BRIP1: variants seen among roughly 807,000 people sequenced by gnomAD.
BRIP1 encodes the protein BRCA1 interacting DNA helicase 1.
Under a neutral mutation model 119.7 loss-of-function variants are expected in BRIP1, and 88 were observed. The observed-to-expected ratio is 0.74, with a 90% CI of 0.62 to 0.88. The LOEUF is 0.88. BRIP1 is among the 40% of genes least tolerant of loss of function. BRIP1 has a pLI of 0.00. For synonymous variants in BRIP1, 443 were observed against 496.5 expected (o/e 0.89, Z 1.43); for missense variants, 1,259 against 1,455.4 (o/e 0.87, Z 2.20).
chr17:61,848,923 C>T lies in BRIP1; in HGVS notation c.507+206G>A, dbSNP rs1286231347. Reference sequence around the variant, plus strand: ...ATATAAGAAACACCATGCAGTTTCACTTGAACGACATGTTACTGTGAATAA... The same window carrying T: ...ATATAAGAAACACCATGCAGTTTCATTTGAACGACATGTTACTGTGAATAA... On this transcript the variant is annotated intron_variant, in intron 5 of 19. Transcript: ENST00000259008. The surrounding 1 kb of genome is among the most constrained non-coding windows in gnomAD (Gnocchi z 4.3). 6.6e-6 allele frequency among the ~76,000 whole-genome samples: 1 copy of T among 152,156 alleles called. No individual in the cohort carries two copies. Among genetic ancestry groups the T allele is most frequent in the Non-Finnish European group, 1.5e-5 (1 of 68,028 alleles).
At position 61,843,074 on chromosome 17, in the gene BRIP1, T is replaced by C. The variant is rs755225293; in HGVS notation, c.627+4027A>G. 2.6e-5 allele frequency among the ~76,000 whole-genome samples: 4 copies of C among 152,108 alleles called. No individual in the cohort carries two copies. The highest frequency in any genetic ancestry group is 9.7e-5 in the African/African-American group (4 of 41,422). On this transcript the variant is annotated intron_variant, in intron 6 of 19. Transcript: ENST00000259008. The surrounding 1 kb of genome is among the most constrained non-coding windows in gnomAD (Gnocchi z 5.7). ...CTATTTGTGACAACATGGATGAACCTGGAGGGAGGACATTATGCAAAGTGA... is the reference window on the plus strand; with the variant it reads ...CTATTTGTGACAACATGGATGAACCCGGAGGGAGGACATTATGCAAAGTGA...
At chr17:61,787,429 A>C (rs1185815595) in intron 10 of BRIP1, among the ~76,000 whole-genome samples, 2 of 108,238 alleles carry the variant, frequency 1.8e-5, no homozygotes, top group Admixed American at 1.0e-4. Flanking sequence ...AAAATATATA[A>C]TATATATACT....
In BRIP1 at chr17:61,708,588, T is replaced by C. The variant is rs576367391; in HGVS notation, c.2492+7363A>G. 3.5e-4 allele frequency among the ~76,000 whole-genome samples: 54 copies of C among 152,304 alleles called. No homozygotes were observed. Among genetic ancestry groups the C allele is most frequent in the African/African-American group, 1.3e-3 (52 of 41,572 alleles). The stretch of plus-strand genomic sequence containing the variant: ...TTGTGTTGTTTCTATTTTCTCAGAG[T>C]TCTTCTGCTGTGTTTTTGTTTGCTT... On this transcript the variant is annotated intron_variant, in intron 17 of 19. Transcript: ENST00000259008. The surrounding 1 kb of genome is among the most constrained non-coding windows in gnomAD (Gnocchi z 4.4).
At position 61,849,276 on chromosome 17, in the gene BRIP1, A is replaced by G. The variant is rs748849028; in HGVS notation, c.380-20T>C. The G allele has an allele frequency of 6.2e-7, 1 of 1,604,330 alleles. No individual in the cohort carries two copies. Among genetic ancestry groups the G allele is most frequent in the East Asian group, 2.2e-5 (1 of 44,734 alleles). On this transcript the variant is annotated intron_variant, in intron 4 of 19. Coordinates refer to ENST00000259008, the MANE Select transcript of BRIP1 (RefSeq NM_032043.3). ...GGGAGTCTTATATAAGTAATTTAAA[A>G]AAAACAGCATAAATAACTTACAGGT... is the stretch of plus-strand genomic sequence containing the variant.
rs2076747686 is a variant in BRIP1, at chr17:61,725,103, C to T, written c.2380-9040G>A. Among the ~76,000 whole-genome samples the T allele has an allele frequency of 6.6e-6, 1 of 151,462 alleles. No individual in the cohort carries two copies. Among genetic ancestry groups the T allele is most frequent in the Non-Finnish European group, 1.5e-5 (1 of 67,928 alleles). ...TTCATCTGGCATATTTTCAAGATTTCTGACACAGTTAACCAAATAGTGTGT... is the reference window on the plus strand; with the variant it reads ...TTCATCTGGCATATTTTCAAGATTTTTGACACAGTTAACCAAATAGTGTGT... On this transcript the variant is annotated intron_variant, in intron 16 of 19. Coordinates refer to ENST00000259008, the MANE Select transcript of BRIP1 (RefSeq NM_032043.3). The surrounding 1 kb of genome is among the most constrained non-coding windows in gnomAD (Gnocchi z 5.3).
At position 61,825,212 on chromosome 17, in the gene BRIP1, G is replaced by A. The variant is rs2078386849; in HGVS notation, c.628-16455C>T. On this transcript the variant is annotated intron_variant, in intron 6 of 19. Coordinates refer to ENST00000259008, the MANE Select transcript of BRIP1 (RefSeq NM_032043.3). The surrounding 1 kb of genome is among the most constrained non-coding windows in gnomAD (Gnocchi z 4.1). ...AGGCAGGAGAATGGCGTGAACCTGG[G>A]AGGCGGAGCTTGCAGTGACCCAAGA... Among the ~76,000 whole-genome samples the A allele has an allele frequency of 6.6e-6, 1 of 151,918 alleles. No individual in the cohort carries two copies. Among genetic ancestry groups the A allele is most frequent in the Non-Finnish European group, 1.5e-5 (1 of 67,996 alleles).
At position 61,680,154 on chromosome 17, in the gene BRIP1, C is replaced by A. The variant is rs1166399809; in HGVS notation, c.*3142G>T. 2.0e-5 allele frequency among the ~76,000 whole-genome samples: 3 copies of A among 148,694 alleles called. No homozygotes were observed. The highest frequency in any genetic ancestry group is 6.7e-5 in the Admixed American group (1 of 14,854). ...GGTCAGGAGTTTGAGACCAGCCTGGCCAACATGGTGAAACCCTGTCGATAC... is the reference window on the plus strand; with the variant it reads ...GGTCAGGAGTTTGAGACCAGCCTGGACAACATGGTGAAACCCTGTCGATAC... On this transcript the variant is annotated 3_prime_UTR_variant, in exon 20 of 20. Transcript: ENST00000259008.
chr17:61,812,830 C>T (rs2078183322), intron 6 of BRIP1, among the ~76,000 whole-genome samples: 2 of 151,914 alleles, frequency 1.3e-5, no homozygotes, highest in Non-Finnish European at 2.9e-5. Flanking sequence ...ATGAAGAGTT[C>T]GAAGATTTGA....
At position 61,780,201 on chromosome 17, in the gene BRIP1, A is replaced by G; in HGVS notation, c.1935+60T>C. On this transcript the variant is annotated intron_variant, in intron 13 of 19. Transcript: ENST00000259008. The surrounding 1 kb of genome is among the most constrained non-coding windows in gnomAD (Gnocchi z 5.4). ...ACTTCAGGTATCTTCTAACTTGTTT[A>G]CATAGTTATATTGAAGTAGAAACAC... The G allele has an allele frequency of 6.5e-7, 1 of 1,529,604 alleles. No homozygotes were observed. The highest frequency in any genetic ancestry group is 9.0e-7 in the Non-Finnish European group (1 of 1,111,742). The allele number at this position is 1,529,604 out of a possible 1,614,324, so 94.8% of individuals were successfully genotyped here.
At position 61,722,862 on chromosome 17, in the gene BRIP1, A is replaced by T. The variant is rs1049709776; in HGVS notation, c.2380-6799T>A. Among the ~76,000 whole-genome samples, 1 of 152,164 alleles carries T rather than the reference A, an allele frequency of 6.6e-6. No homozygotes were observed. Among genetic ancestry groups the T allele is most frequent in the East Asian group, 1.9e-4 (1 of 5,204 alleles). ...TTTTCAAACACCTTTTACACTCCAA[A>T]TGGCCTTTAAAATACTGCCAATATT... On this transcript the variant is annotated intron_variant, in intron 16 of 19. Transcript: ENST00000259008. The surrounding 1 kb of genome is among the most constrained non-coding windows in gnomAD (Gnocchi z 4.6).
Position 61,794,806 on chromosome 17 carries a change from T to C in BRIP1, c.1341-1077A>G, listed in dbSNP as rs2077874722. On this transcript the variant is annotated intron_variant, in intron 9 of 19. Coordinates refer to ENST00000259008, the MANE Select transcript of BRIP1 (RefSeq NM_032043.3). The surrounding 1 kb of genome is among the most constrained non-coding windows in gnomAD (Gnocchi z 4.3). Reference sequence around the variant, plus strand: ...ACTTTAATTTTAATGTCAAGAATGCTCTCCCTGAGGTGACATTTATTCTAA... The same window carrying C: ...ACTTTAATTTTAATGTCAAGAATGCCCTCCCTGAGGTGACATTTATTCTAA... Among the ~76,000 whole-genome samples the C allele has an allele frequency of 6.6e-6, 1 of 151,786 alleles. No individual in the cohort carries two copies. The highest frequency in any genetic ancestry group is 6.6e-5 in the Admixed American group (1 of 15,180).
rs1310578136 is a variant in BRIP1 at position 61,726,954 on chromosome 17, CTG to C, written c.2380-10893_2380-10892del. On this transcript the variant is annotated intron_variant, in intron 16 of 19. Transcript: ENST00000259008. The surrounding 1 kb of genome is among the most constrained non-coding windows in gnomAD (Gnocchi z 6.2). The stretch of plus-strand genomic sequence containing the variant: ...AAAGTCACATATGAGAGCCCGATAA[CTG>C]TGAATAAACTTTTGCTAGCAATAAC... 6.6e-6 allele frequency among the ~76,000 whole-genome samples: 1 copy of C among 152,120 alleles called. No homozygotes were observed. The highest frequency in any genetic ancestry group is 1.5e-5 in the Non-Finnish European group (1 of 68,020).
In BRIP1 at chr17:61,693,511, A is replaced by C. The variant is rs768222842; in HGVS notation, c.2494T>G (p.Cys832Gly). The change falls in exon 18 of 20, where the codon TGT becomes GGT. Residue 832 changes from cysteine to glycine, a missense_variant and splice_region_variant. By Grantham distance (159) the Cys-to-Gly change is radical. Transcript: ENST00000259008. This position sits in a 1 kb window ranked among gnomAD's most constrained non-coding sequence, Gnocchi z 4.2. Reference sequence around the variant, plus strand: ...CCCCAATCATTTCTGTGTCTAATACATCTAGAAAAAATAGGGAAAAAGTCA... The same window carrying C: ...CCCCAATCATTTCTGTGTCTAATACCTCTAGAAAAAATAGGGAAAAAGTCA... ...YRALNQALGRCIRHRNDWGAL... is the reference protein window; with the variant it reads ...YRALNQALGRGIRHRNDWGAL... 6.2e-7 allele frequency: 1 copy of C among 1,609,932 alleles called. No homozygotes were observed. Among genetic ancestry groups the C allele is most frequent in the Non-Finnish European group, 8.5e-7 (1 of 1,176,362 alleles).
chr17:61,758,311 G>T lies in BRIP1; in HGVS notation c.2098-13720C>A, dbSNP rs770299436. Among the ~76,000 whole-genome samples, 1 of 152,114 alleles carries T rather than the reference G, an allele frequency of 6.6e-6. No homozygotes were observed. The highest frequency in any genetic ancestry group is 1.5e-5 in the Non-Finnish European group (1 of 68,020). ...TAACTGTAGGCGAAAAAGGCAACTCGTTTTCTATACTTCTGTAAATGGGCT... is the reference window on the plus strand; with the variant it reads ...TAACTGTAGGCGAAAAAGGCAACTCTTTTTCTATACTTCTGTAAATGGGCT... On this transcript the variant is annotated intron_variant, in intron 14 of 19. Coordinates refer to ENST00000259008, the MANE Select transcript of BRIP1 (RefSeq NM_032043.3). This position sits in a 1 kb window ranked among gnomAD's most constrained non-coding sequence, Gnocchi z 5.3.
chr17:61,776,684 CA>C lies in BRIP1; in HGVS notation c.1936-123del. Reference sequence around the variant, plus strand: ...GTTTAACAATTTATTTTTAAATTGTCAGGGGGTTTTCTATTACCTTCAATTA... The same window carrying C: ...GTTTAACAATTTATTTTTAAATTGTCGGGGGTTTTCTATTACCTTCAATTA... On this transcript the variant is annotated intron_variant, in intron 13 of 19. Transcript: ENST00000259008. The surrounding 1 kb of genome is among the most constrained non-coding windows in gnomAD (Gnocchi z 5.0). 4 of 1,085,714 alleles carry C rather than the reference CA, an allele frequency of 3.7e-6. No homozygotes were observed. The highest frequency in any genetic ancestry group is 5.5e-6 in the Non-Finnish European group (4 of 723,292). 67.3% of individuals were successfully genotyped at this position (1,085,714 alleles called of 1,614,324 possible).
rs768684730 is a variant in BRIP1 at position 61,793,761 on chromosome 17, G to T, written c.1341-32C>A. The T allele has an allele frequency of 1.3e-6, 2 of 1,598,974 alleles. No individual in the cohort carries two copies. Among genetic ancestry groups the T allele is most frequent in the Non-Finnish European group, 1.7e-6 (2 of 1,174,530 alleles). ...TAAAATAAAACAATTGTGTCAACCA[G>T]TATCATCCTTACACACACTATTTCA... On this transcript the variant is annotated intron_variant, in intron 9 of 19. Coordinates refer to ENST00000259008, the MANE Select transcript of BRIP1 (RefSeq NM_032043.3). This position sits in a 1 kb window ranked among gnomAD's most constrained non-coding sequence, Gnocchi z 5.2.
rs891225272 is a variant in BRIP1, at chr17:61,734,460, G to A, written c.2379+8553C>T. On this transcript the variant is annotated intron_variant, in intron 16 of 19. Coordinates refer to ENST00000259008, the MANE Select transcript of BRIP1 (RefSeq NM_032043.3). The surrounding 1 kb of genome is among the most constrained non-coding windows in gnomAD (Gnocchi z 5.2). ...TCAGAAGCATCTGGGAAAGGTGGAA[G>A]TGAAAAAAATCCTCACTGGGAAAGT... Among the ~76,000 whole-genome samples the A allele has an allele frequency of 6.6e-5, 10 of 152,214 alleles. No individual in the cohort carries two copies. Among genetic ancestry groups the A allele is most frequent in the African/African-American group, 2.2e-4 (9 of 41,538 alleles).
chr17:61,730,695 G>A lies in BRIP1; in HGVS notation c.2379+12318C>T, dbSNP rs1171006379. ...ACTTCCAGCAATATTTTCAGGCATG[G>A]CTTTATGTATTTATTTATTTATTTT... On this transcript the variant is annotated intron_variant, in intron 16 of 19. Coordinates refer to ENST00000259008, the MANE Select transcript of BRIP1 (RefSeq NM_032043.3). The surrounding 1 kb of genome is among the most constrained non-coding windows in gnomAD (Gnocchi z 4.3). Among the ~76,000 whole-genome samples, 2 of 151,970 alleles carry A rather than the reference G, an allele frequency of 1.3e-5. No individual in the cohort carries two copies. Among genetic ancestry groups the A allele is most frequent in the African/African-American group, 4.8e-5 (2 of 41,334 alleles).
intron 16 of BRIP1, among the ~76,000 whole-genome samples, chr17:61,733,687 C>CA (rs1343052604): frequency 2.0e-5 from 3 of 150,884 alleles, no homozygotes; most frequent in African/African-American, 4.9e-5. Flanking sequence ...GTTTCCTAAA[C>CA]AAAAAAAGGA....
Sources: gnomAD v4.1 joint callset for allele counts (sites outside exome capture counted in the v4.1 genomes callset) on GRCh38, gnomAD v4.1.1 for gene constraint, Gnocchi (gnomAD v3.1) non-coding constraint, MANE v1.5 for transcripts, NCBI Gene and HGNC (gene_info 2026-07-23, HGNC 2026-07-21) for gene names.